VCF1: variants seen among roughly 807,000 people sequenced by gnomAD.
VCF1 encodes VCP nuclear cofactor family member 1.
At chr17:73,230,200 G>A in the VCF1 span, among the ~76,000 whole-genome samples, 1 of 152,044 alleles carries the variant, frequency 6.6e-6, no homozygotes, top group Non-Finnish European at 1.5e-5. Flanking sequence ...GGAGGCTGAC[G>A]TGGGAGGATC....
chr17:73,218,379 T>C, the VCF1 span, among the ~76,000 whole-genome samples: 2 of 152,246 alleles, frequency 1.3e-5, no homozygotes, highest in African/African-American at 4.8e-5. Flanking sequence ...CATGAATAAA[T>C]AACATCCTTT....
At chr17:73,221,432 T>C in the VCF1 span, among the ~76,000 whole-genome samples, 1 of 149,742 alleles carries the variant, frequency 6.7e-6, no homozygotes, top group Non-Finnish European at 1.5e-5. Context: ...AAAAAAAATT[T>C]AAGTTAAATC....
At chr17:73,230,679 G>A in the VCF1 span, among the ~76,000 whole-genome samples, 1 of 152,180 alleles carries the variant, frequency 6.6e-6, no homozygotes, top group Non-Finnish European at 1.5e-5. Flanking sequence ...TTACAGGCGT[G>A]AGCCACCGCA....
the VCF1 span, among the ~76,000 whole-genome samples, chr17:73,211,394 C>A: frequency 1.0e-3 from 159 of 152,226 alleles, no homozygotes; most frequent in Middle Eastern, 0.017. Context: ...CATAGTGAAA[C>A]CCCGTATCAA....
the VCF1 span, among the ~76,000 whole-genome samples, chr17:73,215,138 C>CCTG: frequency 1.9e-3 from 282 of 152,316 alleles, 1 homozygote; most frequent in African/African-American, 6.5e-3. Context: ...TACAAAGAGT[C>CCTG]CTGTCTTGAA....
At chr17:73,211,154 A>G in the VCF1 span, among the ~76,000 whole-genome samples, 1 of 152,194 alleles carries the variant, frequency 6.6e-6, no homozygotes, top group Non-Finnish European at 1.5e-5. Context: ...AAGTCTACAC[A>G]TAAGAAAAAA....
At chr17:73,211,072 G>A in the VCF1 span, among the ~76,000 whole-genome samples, 5 of 152,104 alleles carry the variant, frequency 3.3e-5, no homozygotes, top group Non-Finnish European at 5.9e-5. Flanking sequence ...AAACTTAGCC[G>A]TTTAATACAT....
chr17:73,221,742 A>C, the VCF1 span, among the ~76,000 whole-genome samples: 1 of 152,104 alleles, frequency 6.6e-6, no homozygotes, highest in Non-Finnish European at 1.5e-5. Flanking sequence ...AAATTTTAAA[A>C]CTAGCCAGGT....
the VCF1 span, chr17:73,227,239 C>A: frequency 6.3e-7 from 1 of 1,575,672 alleles, no homozygotes. Context: ...TGGTTGTCTT[C>A]TTCGTTGCCA....
the VCF1 span, among the ~76,000 whole-genome samples, chr17:73,223,607 G>C: frequency 2.9e-4 from 44 of 151,558 alleles, no homozygotes; most frequent in African/African-American, 1.0e-3. Flanking sequence ...TTAACTTTTA[G>C]AAATGAATTG....
chr17:73,212,367 T>C, the VCF1 span, among the ~76,000 whole-genome samples: 17 of 152,172 alleles, frequency 1.1e-4, no homozygotes, highest in East Asian at 3.8e-4. Context: ...GCCGAGGCCA[T>C]TGGAGCTATG....
At chr17:73,229,901 G>C in the VCF1 span, among the ~76,000 whole-genome samples, 3 of 140,574 alleles carry the variant, frequency 2.1e-5, no homozygotes, top group Non-Finnish European at 3.0e-5. Flanking sequence ...AAAAGAGTAT[G>C]GAAACTAGTG....
At chr17:73,219,377 G>A in the VCF1 span, among the ~76,000 whole-genome samples, 60 of 151,648 alleles carry the variant, frequency 4.0e-4, no homozygotes, top group Admixed American at 2.0e-3. Flanking sequence ...TCGGCTGGGC[G>A]CGGTGGCTCA....
the VCF1 span, among the ~76,000 whole-genome samples, chr17:73,212,513 C>A: frequency 6.6e-6 from 1 of 152,136 alleles, no homozygotes; most frequent in Non-Finnish European, 1.5e-5. Flanking sequence ...TTGCAGCCAG[C>A]TGCAACTGTA....
At chr17:73,224,969 GC>G in the VCF1 span, among the ~76,000 whole-genome samples, 3 of 69,464 alleles carry the variant, frequency 4.3e-5, no homozygotes, top group African/African-American at 1.5e-4. Context: ...GGACAGCACA[GC>G]ACAGCACAGC....
At chr17:73,231,317 G>A in the VCF1 span, among the ~76,000 whole-genome samples, 8 of 152,286 alleles carry the variant, frequency 5.3e-5, no homozygotes, top group East Asian at 1.5e-3. Flanking sequence ...CATTCTTGCA[G>A]AGGAAATTAA....
the VCF1 span, chr17:73,229,284 GAAACATTC>G: frequency 1.0e-6 from 1 of 985,358 alleles, no homozygotes; most frequent in South Asian, 4.7e-5. Context: ...TCTCATCCTT[GAAACATTC>G]TTCTTTCAAC....
At chr17:73,209,314 T>C in the VCF1 span, 65 of 618,046 alleles carry the variant, frequency 1.1e-4, 2 homozygotes, top group South Asian at 1.3e-3. Flanking sequence ...CTCAAAAGAA[T>C]CCTATAAAAA....
chr17:73,208,042 A>G, the VCF1 span: 1 of 1,360,278 alleles, frequency 7.4e-7, no homozygotes, highest in Non-Finnish European at 9.5e-7. Flanking sequence ...TTCTGCCCAC[A>G]TTAGGTTAGC....
Sources: gnomAD v4.1 joint callset for allele counts (sites outside exome capture counted in the v4.1 genomes callset) on GRCh38, gnomAD v4.1.1 for gene constraint, MANE v1.5 for transcripts, NCBI Gene and HGNC (gene_info 2026-07-23, HGNC 2026-07-21) for gene names.